Variants in EML4 observed in about 807,000 individuals in gnomAD.
EML4 encodes EMAP like 4, also known as echinoderm microtubule-associated protein-like 4.
EML4 carries 72 observed loss-of-function variants against 129.0 expected under a neutral mutation model. That is an observed-to-expected ratio of 0.56 (90% CI 0.46 to 0.68). The LOEUF is 0.68. Ranked by LOEUF, EML4 falls within the 30% of genes least tolerant of loss-of-function variation. The probability of loss-of-function intolerance (pLI) is 0.00; values close to 1 mark genes in which losing one functional copy is unlikely to be tolerated. For missense variants in EML4, 1,363 were observed against 1,190.6 expected, an observed-to-expected ratio of 1.14 and a Z score of -2.13; for synonymous variants, 532 against 405.0, an observed-to-expected ratio of 1.31 and a Z score of -3.77.
intron 4 of EML4, chr2:42,261,546 G>T (rs1665737746): frequency 3.2e-6 from 1 of 313,314 alleles, no homozygotes; most frequent in Non-Finnish European, 5.8e-6. Flanking sequence ...TGAAAAGAAG[G>T]CAGGAATAAC....
intron 8 of EML4, among the ~76,000 whole-genome samples, chr2:42,284,230 G>A (rs1290242494): frequency 6.6e-6 from 1 of 152,232 alleles, no homozygotes. Flanking sequence ...CAGCATGTAT[G>A]AGGATTATGT....
chr2:42,308,270 C>T (rs2103751446), intron 17 of EML4, among the ~76,000 whole-genome samples: 1 of 152,244 alleles, frequency 6.6e-6, no homozygotes, highest in African/African-American at 2.4e-5. Context: ...TGGGAGGAGG[C>T]CAAGGCAGGT....
chr2:42,271,037 G>A (rs1449802681), intron 6 of EML4, among the ~76,000 whole-genome samples: 1 of 152,114 alleles, frequency 6.6e-6, no homozygotes, highest in Non-Finnish European at 1.5e-5. Context: ...CTGGCACATA[G>A]GAATGTGCCA....
chr2:42,195,648 C>G (rs1476590694), intron 1 of EML4, among the ~76,000 whole-genome samples: 1 of 152,160 alleles, frequency 6.6e-6, no homozygotes, highest in Non-Finnish European at 1.5e-5. Context: ...CATGAGTTAT[C>G]TTTTAAGAGG....
At chr2:42,291,553 G>A (rs1351371907) in intron 11 of EML4, among the ~76,000 whole-genome samples, 2 of 151,926 alleles carry the variant, frequency 1.3e-5, no homozygotes, top group Non-Finnish European at 2.9e-5. Flanking sequence ...ACAGGCGTGT[G>A]CCACCATGCC....
chr2:42,295,834 A>G (rs183947543), intron 13 of EML4, among the ~76,000 whole-genome samples: 1 of 152,348 alleles, frequency 6.6e-6, no homozygotes, highest in East Asian at 1.9e-4. Flanking sequence ...GTTCTGGGAT[A>G]TCTGTTAGAG....
chr2:42,271,307 G>C (rs903765908), intron 6 of EML4, among the ~76,000 whole-genome samples: 2 of 152,198 alleles, frequency 1.3e-5, no homozygotes, highest in African/African-American at 4.8e-5. Flanking sequence ...TTATTTAAGA[G>C]GGTAGAGAAG....
At chr2:42,301,418 A>ATAT (rs1473450447) in intron 14 of EML4, 26 bp downstream of exon 14, 9 of 1,571,656 alleles carry the variant, frequency 5.7e-6, no homozygotes, top group Non-Finnish European at 6.9e-6. Flanking sequence ...GAATATAAAA[A>ATAT]TATTAAATAC....
At chr2:42,192,802 C>T (rs1411735182) in intron 1 of EML4, among the ~76,000 whole-genome samples, 2 of 152,194 alleles carry the variant, frequency 1.3e-5, no homozygotes, top group Non-Finnish European at 2.9e-5. Context: ...GTCTTCAGAG[C>T]AACTGATTCC....
chr2:42,197,278 G>T (rs1271614208), intron 1 of EML4, among the ~76,000 whole-genome samples: 3 of 152,086 alleles, frequency 2.0e-5, no homozygotes, highest in African/African-American at 7.2e-5. Flanking sequence ...TCCCAGGCTG[G>T]TCTCCAACTG....
chr2:42,281,997 T>A (rs2104463743), intron 7 of EML4, among the ~76,000 whole-genome samples: 1 of 152,338 alleles, frequency 6.6e-6, no homozygotes, highest in Non-Finnish European at 1.5e-5. Flanking sequence ...CCTACCAAAC[T>A]GTTCCTTGCT....
chr2:42,185,089 A>T (rs1449836040), intron 1 of EML4, among the ~76,000 whole-genome samples: 1 of 152,134 alleles, frequency 6.6e-6, no homozygotes. Flanking sequence ...ATAATATAAT[A>T]CCTGAGCATA....
At chr2:42,241,988 A>G (rs752671449) in intron 1 of EML4, among the ~76,000 whole-genome samples, 2 of 152,142 alleles carry the variant, frequency 1.3e-5, no homozygotes, top group African/African-American at 2.4e-5. Context: ...CACAGTGTCT[A>G]TCAGGGTTTG....
At chr2:42,169,812 C>A (rs1307762084) in intron 1 of EML4, 176 bp downstream of exon 1, 6 of 617,574 alleles carry the variant, frequency 9.7e-6, no homozygotes, top group Non-Finnish European at 1.6e-5. Flanking sequence ...AGGGCCCCTC[C>A]CCCATGTCCA....
intron 1 of EML4, among the ~76,000 whole-genome samples, chr2:42,238,818 C>G (rs539798546): frequency 7.9e-5 from 12 of 152,270 alleles, no homozygotes; most frequent in Admixed American, 4.6e-4. Flanking sequence ...GGGTCTTGCT[C>G]TGTCACGCAG....
intron 1 of EML4, among the ~76,000 whole-genome samples, chr2:42,197,355 C>A (rs761231803): frequency 6.6e-6 from 1 of 152,036 alleles, no homozygotes. Context: ...TGAGCCACCA[C>A]GCCCCATCTT....
chr2:42,169,753 C>G, intron 1 of EML4, 117 bp downstream of exon 1: 2 of 1,187,430 alleles, frequency 1.7e-6, no homozygotes, highest in Non-Finnish European at 1.2e-6. Context: ...GGCTCCACTG[C>G]ACATGTTCCC....
chr2:42,228,391 T>C (rs1002495179), intron 1 of EML4, among the ~76,000 whole-genome samples: 1 of 152,178 alleles, frequency 6.6e-6, no homozygotes, highest in Non-Finnish European at 1.5e-5. Context: ...ATATAGCTTG[T>C]GGTTGATTGA....
intron 11 of EML4, among the ~76,000 whole-genome samples, chr2:42,293,950 G>A (rs944374445): frequency 1.3e-5 from 2 of 152,164 alleles, no homozygotes. Flanking sequence ...TACACGTAAA[G>A]TTCTTTGCTA....
Sources: gnomAD v4.1 joint callset for allele counts (sites outside exome capture counted in the v4.1 genomes callset) on GRCh38, gnomAD v4.1.1 for gene constraint, MANE v1.5 for transcripts, NCBI Gene and HGNC (gene_info 2026-07-23, HGNC 2026-07-21) for gene names.